ZNF658: variants seen among roughly 807,000 people sequenced by gnomAD.
The protein encoded by ZNF658 is zinc finger protein 658.
ZNF658 carries 46 observed loss-of-function variants against 78.0 expected under a neutral mutation model. The ratio of observed to expected loss-of-function variants is 0.59; its 90% CI spans 0.47 to 0.75. The LOEUF (loss-of-function observed/expected upper bound fraction) is 0.75. ZNF658 is among the 30% of genes least tolerant of loss of function. ZNF658 has a pLI of 0.00. For synonymous variants in ZNF658, 279 were observed against 408.4 expected, an observed-to-expected ratio of 0.68 and a Z score of 3.82; for missense variants, 785 against 1,189.3, an observed-to-expected ratio of 0.66 and a Z score of 5.00.
At chr9:66,902,845 G>A (rs1422095194) in intron 1 of ZNF658, 1 of 152,050 alleles carries the variant, frequency 6.6e-6, no homozygotes, top group Non-Finnish European at 1.5e-5. Context: ...GTCAGCCTGA[G>A]TAGTTCTTTT....
At chr9:66,906,665 G>A (rs1822086690) in intron 2 of ZNF658, among the ~76,000 whole-genome samples, 1 of 151,934 alleles carries the variant, frequency 6.6e-6, no homozygotes, top group South Asian at 2.1e-4. Flanking sequence ...TGGCCAACCT[G>A]TGACCCAGTC....
chr9:66,908,454 G>A (rs944085590), intron 3 of ZNF658, 90 bp downstream of exon 3: 1 of 1,577,418 alleles, frequency 6.3e-7, no homozygotes, highest in African/African-American at 1.4e-5. Context: ...AGAGATTAAA[G>A]GGCTTTGGAT....
At chr9:66,913,678 A>G (rs1193256758) in intron 4 of ZNF658, among the ~76,000 whole-genome samples, 4 of 150,754 alleles carry the variant, frequency 2.7e-5, no homozygotes. Flanking sequence ...AGATTTAGGA[A>G]TCCTATTTTC....
chr9:66,920,899 G>T lies in ZNF658; in HGVS notation c.*153G>T, dbSNP rs1822510409. The T allele has an allele frequency of 1.2e-5, 9 of 780,908 alleles. No homozygotes were observed. Among genetic ancestry groups the T allele is most frequent in the East Asian group, 7.3e-5 (3 of 41,334 alleles). 48.4% of individuals were successfully genotyped at this position (780,908 alleles called of 1,614,324 possible). On this transcript the variant is annotated 3_prime_UTR_variant, in exon 5 of 5. Transcript: ENST00000621410. Reference sequence around the variant, plus strand: ...TTTATTCAGGTGGGGCTGACCATGGGATGTGGTGCTAATGATAAATATTAC... The same window carrying T: ...TTTATTCAGGTGGGGCTGACCATGGTATGTGGTGCTAATGATAAATATTAC...
At position 66,918,617 on chromosome 9, in the gene ZNF658, A is replaced by G; in HGVS notation, c.1051A>G (p.Lys351Glu). ...IVHQKTQAGDKFGEHNECTDA... is the reference protein window; with the variant it reads ...IVHQKTQAGDEFGEHNECTDA... ...ACATCAGAAAACACAAGCTGGAGAT[A>G]AATTTGGTGAACATAATGAATGTAC... The change falls in exon 5 of 5, where the codon AAA becomes GAA. Residue 351 changes from lysine (K) to glutamate (E), a missense_variant. Transcript: ENST00000621410. 1 of 1,610,664 alleles carries G rather than the reference A, an allele frequency of 6.2e-7. No homozygotes were observed. Among genetic ancestry groups the G allele is most frequent in the Non-Finnish European group, 8.5e-7 (1 of 1,177,110 alleles).
chr9:66,907,269 T>C (rs1822101053), intron 2 of ZNF658, among the ~76,000 whole-genome samples: 1 of 152,136 alleles, frequency 6.6e-6, no homozygotes. Flanking sequence ...AAATCATATG[T>C]ATCCTGGTTG....
In ZNF658 at chr9:66,920,249, T is replaced by TCTTAGAA. The variant is rs1822482306; in HGVS notation, c.2684_2685insTTAGAAC (p.His896Ter). On this transcript the variant is annotated stop_gained and frameshift_variant, in exon 5 of 5. Coordinates refer to ENST00000621410, the MANE Select transcript of ZNF658 (RefSeq NM_033160.7). LOFTEE classifies it high-confidence loss of function. The stretch of plus-strand genomic sequence containing the variant: ...CTGTGGGAAGACTTTCTCCAAGACA[T>TCTTAGAA]CACATCTCAGAGCACATCTTAGAAC... 6.2e-7 allele frequency: 1 copy of TCTTAGAA among 1,609,200 alleles called. No homozygotes were observed. Among genetic ancestry groups the TCTTAGAA allele is most frequent in the Non-Finnish European group, 8.5e-7 (1 of 1,177,794 alleles).
chr9:66,928,448 T>C (rs1289543221), intron 6 of ZNF658, among the ~76,000 whole-genome samples: 2 of 148,600 alleles, frequency 1.3e-5, no homozygotes, highest in Admixed American at 6.7e-5. Flanking sequence ...AATAAGCTGA[T>C]AAAGCTACTA....
chr9:66,901,947 A>C (rs1335100029), intron 1 of ZNF658, among the ~76,000 whole-genome samples: 2 of 152,150 alleles, frequency 1.3e-5, no homozygotes, highest in African/African-American at 2.4e-5. Context: ...GTCTCAAAAA[A>C]GAAAAAAAAG....
At chr9:66,928,634 C>G (rs75674776) in intron 6 of ZNF658, among the ~76,000 whole-genome samples, 27 of 150,922 alleles carry the variant, frequency 1.8e-4, no homozygotes, top group African/African-American at 6.6e-4. Flanking sequence ...GGACAGATCA[C>G]GAGGTCAGGA....
chr9:66,901,093 C>T (rs1821943100), intron 1 of ZNF658: 1 of 152,204 alleles, frequency 6.6e-6, no homozygotes, highest in African/African-American at 2.4e-5. Context: ...ACTAGTAACT[C>T]GTGTTCCTAT....
Position 66,910,312 on chromosome 9 carries a change from TA to T in ZNF658, c.238+1584del, listed in dbSNP as rs1029561802. ...ATAGTTTTCAATGTCATTTTTAGAA[TA>T]AAAAAGTAAAATCATCTTATTAGAA... On this transcript the variant is annotated intron_variant, in intron 4 of 4. Transcript: ENST00000621410. 5.9e-5 allele frequency among the ~76,000 whole-genome samples: 9 copies of T among 152,046 alleles called. 1 individual carries two copies. Among genetic ancestry groups the T allele is most frequent in the Admixed American group, 3.9e-4 (6 of 15,236 alleles).
At chr9:66,927,140 C>T (rs1272791188) in intron 6 of ZNF658, among the ~76,000 whole-genome samples, 1 of 152,112 alleles carries the variant, frequency 6.6e-6, no homozygotes, top group African/African-American at 2.4e-5. Flanking sequence ...TTCCAAAATA[C>T]GTCAGGAACT....
In ZNF658 at chr9:66,920,868, A is replaced by G; in HGVS notation, c.*122A>G. On this transcript the variant is annotated 3_prime_UTR_variant, in exon 5 of 5. Coordinates refer to ENST00000621410, the MANE Select transcript of ZNF658 (RefSeq NM_033160.7). ...TCATAGTTTGTGGAAAAATCCCAAT[A>G]TGCCGTTTATTCAGGTGGGGCTGAC... is the stretch of plus-strand genomic sequence containing the variant. 1.4e-6 allele frequency: 1 copy of G among 708,504 alleles called. No individual in the cohort carries two copies. The highest frequency in any genetic ancestry group is 2.5e-6 in the Non-Finnish European group (1 of 395,928). The allele number at this position is 708,504 out of a possible 1,614,324, so 43.9% of individuals were successfully genotyped here. A position where few individuals can be genotyped will look rare whatever the true frequency, so the allele number is the denominator to read the frequency against.
intron 6 of ZNF658, among the ~76,000 whole-genome samples, chr9:66,928,581 G>A (rs1428400814): frequency 1.3e-5 from 2 of 151,332 alleles, no homozygotes; most frequent in Non-Finnish European, 2.9e-5. Context: ...GGCCATACAC[G>A]GTGGCTCATA....
chr9:66,908,232 T>C lies in ZNF658; in HGVS notation c.16-6T>C, dbSNP rs760239276. ...GTTATATTTGTTGTGATAAATGTTGTTACAGGCATCAGTGTCATTCCAGGA... is the reference window on the plus strand; with the variant it reads ...GTTATATTTGTTGTGATAAATGTTGCTACAGGCATCAGTGTCATTCCAGGA... On this transcript the variant is annotated splice_region_variant and splice_polypyrimidine_tract_variant and intron_variant, in intron 2 of 4. Transcript: ENST00000621410. 18 of 1,613,862 alleles carry C rather than the reference T, an allele frequency of 1.1e-5. No individual in the cohort carries two copies. The South Asian group carries it at 1.9e-4, about 17-fold the overall frequency.
At position 66,921,342 on chromosome 9, in the gene ZNF658, G is replaced by T. The variant is rs1417718946; in HGVS notation, c.*596G>T. On this transcript the variant is annotated 3_prime_UTR_variant, in exon 5 of 5. Transcript: ENST00000621410. Reference sequence around the variant, plus strand: ...ATGATCAGGAGCCTTCATTAAAACAGAAATTTTAGGGAAAACCACAAAAAC... The same window carrying T: ...ATGATCAGGAGCCTTCATTAAAACATAAATTTTAGGGAAAACCACAAAAAC... 6.6e-6 allele frequency: 1 copy of T among 152,092 alleles called. No individual in the cohort carries two copies. The highest frequency in any genetic ancestry group is 2.4e-5 in the African/African-American group (1 of 41,358). The allele number at this position is 152,092 out of a possible 1,614,324, so 9.4% of individuals were successfully genotyped here.
At chr9:66,905,777 C>T (rs1366842554) in intron 2 of ZNF658, among the ~76,000 whole-genome samples, 2 of 147,494 alleles carry the variant, frequency 1.4e-5, no homozygotes, top group Non-Finnish European at 3.0e-5. Context: ...AGATATTATT[C>T]TAATACTTTC....
chr9:66,905,050 CTTTTCTCTTTT>C (rs1822042738), intron 2 of ZNF658, among the ~76,000 whole-genome samples: 1 of 72,376 alleles, frequency 1.4e-5, no homozygotes, highest in Non-Finnish European at 2.8e-5. Context: ...TTTCTTTTTT[CTTTTCTCTTTT>C]TCTTTTCTTT....
Sources: allele counts gnomAD v4.1 joint callset (sites outside exome capture counted in the v4.1 genomes callset), GRCh38; gene constraint gnomAD v4.1.1; transcripts MANE v1.5; gene names NCBI Gene and HGNC (gene_info 2026-07-23, HGNC 2026-07-21).